SPSB4: variants seen among roughly 807,000 people sequenced by gnomAD.
SPSB4 encodes splA/ryanodine receptor domain and SOCS box containing 4.
A neutral mutation model predicts 20.9 loss-of-function variants in SPSB4; 21 were observed. The observed-to-expected ratio is 1.01, with a 90% CI of 0.71 to 1.45. The LOEUF (loss-of-function observed/expected upper bound fraction) is 1.45. Ranked by LOEUF, SPSB4 falls within the 40% of genes most tolerant of loss-of-function variation. The probability of loss-of-function intolerance (pLI) is 0.00; values close to 1 mark genes in which losing one functional copy is unlikely to be tolerated. For synonymous variants in SPSB4, 207 were observed against 183.8 expected, an observed-to-expected ratio of 1.13 and a Z score of -1.02; for missense variants, 399 against 399.2, an observed-to-expected ratio of 1.00 and a Z score of 0.00.
At chr3:141,138,682 G>A (rs1026582312) in intron 2 of SPSB4, among the ~76,000 whole-genome samples, 2 of 152,184 alleles carry the variant, frequency 1.3e-5, no homozygotes, top group African/African-American at 2.4e-5. Flanking sequence ...TAGTTTGATT[G>A]CACTGTGGTC....
intron 1 of SPSB4, among the ~76,000 whole-genome samples, chr3:141,053,446 T>A (rs1432466565): frequency 6.6e-6 from 1 of 152,088 alleles, no homozygotes; most frequent in Non-Finnish European, 1.5e-5. Context: ...AGTTTGTATT[T>A]CTCGTTTATT....
At chr3:141,082,535 A>G (rs1289618615) in intron 2 of SPSB4, among the ~76,000 whole-genome samples, 1 of 152,192 alleles carries the variant, frequency 6.6e-6, no homozygotes, top group Non-Finnish European at 1.5e-5. Context: ...CTGTCACAGA[A>G]CTGCTGTGCT....
chr3:141,089,369 C>A (rs11919859), intron 2 of SPSB4, among the ~76,000 whole-genome samples: 17,668 of 152,214 alleles, frequency 0.12, 1,186 homozygotes, highest in African/African-American at 0.16. Flanking sequence ...CAGGTGCCCA[C>A]AGACCTCAGA....
At chr3:141,119,517 C>A (rs1938930725) in intron 2 of SPSB4, among the ~76,000 whole-genome samples, 1 of 152,208 alleles carries the variant, frequency 6.6e-6, no homozygotes, top group African/African-American at 2.4e-5. Flanking sequence ...GCCAGAACTT[C>A]CAACAATATG....
chr3:141,112,665 A>AAAAAAAAAAC (rs1938820414), intron 2 of SPSB4, among the ~76,000 whole-genome samples: 1 of 150,050 alleles, frequency 6.7e-6, no homozygotes. Context: ...AAAAAAAAAA[A>AAAAAAAAAAC]AAAAGACAGA....
At position 141,115,619 on chromosome 3, in the gene SPSB4, A is replaced by G. The variant is rs1938869366; in HGVS notation, c.695-31523A>G. On this transcript the variant is annotated intron_variant, in intron 2 of 2. Transcript: ENST00000310546. ...GATAGTTTTCATTAATGCACTGATC[A>G]TTAGCTTTTTAAAAATTTATCTAAA... Among the ~76,000 whole-genome samples, 3 of 152,248 alleles carry G rather than the reference A, an allele frequency of 2.0e-5. No homozygotes were observed. In the South Asian group the frequency reaches 6.2e-4, roughly 32 times the overall value.
At chr3:141,069,867 A>G (rs1937963041) in intron 2 of SPSB4, among the ~76,000 whole-genome samples, 1 of 152,218 alleles carries the variant, frequency 6.6e-6, no homozygotes, top group Admixed American at 6.5e-5. Flanking sequence ...TAACATGATG[A>G]AAGTAAGGTA....
chr3:141,139,451 C>T (rs1274658180), intron 2 of SPSB4, among the ~76,000 whole-genome samples: 2 of 152,202 alleles, frequency 1.3e-5, no homozygotes. Context: ...TACAACTTGG[C>T]ATGTTTTTGC....
chr3:141,137,867 T>G (rs1187421119), intron 2 of SPSB4, among the ~76,000 whole-genome samples: 1 of 152,144 alleles, frequency 6.6e-6, no homozygotes, highest in Admixed American at 6.5e-5. Context: ...TTAGGGAGGA[T>G]TCCCTCTTTT....
chr3:141,117,431 A>G (rs1240477202), intron 2 of SPSB4, among the ~76,000 whole-genome samples: 2 of 152,214 alleles, frequency 1.3e-5, no homozygotes, highest in African/African-American at 2.4e-5. Flanking sequence ...TTTATAATTC[A>G]TCTTCTGGCC....
chr3:141,139,608 T>C (rs1043411499), intron 2 of SPSB4, among the ~76,000 whole-genome samples: 1 of 152,224 alleles, frequency 6.6e-6, no homozygotes, highest in African/African-American at 2.4e-5. Flanking sequence ...TTAGTTTGGC[T>C]GGATATGAAA....
At chr3:141,122,744 C>A (rs1228349039) in intron 2 of SPSB4, among the ~76,000 whole-genome samples, 1 of 152,234 alleles carries the variant, frequency 6.6e-6, no homozygotes, top group African/African-American at 2.4e-5. Flanking sequence ...TGGGACCCGC[C>A]AAGCCAGGCA....
intron 2 of SPSB4, among the ~76,000 whole-genome samples, chr3:141,075,785 G>A (rs1461033479): frequency 6.6e-6 from 1 of 151,302 alleles, no homozygotes; most frequent in Non-Finnish European, 1.5e-5. Context: ...TGTGGCTCAC[G>A]CTTGTAATCC....
chr3:141,081,783 G>C (rs999926811), intron 2 of SPSB4, among the ~76,000 whole-genome samples: 1 of 152,186 alleles, frequency 6.6e-6, no homozygotes, highest in Admixed American at 6.5e-5. Flanking sequence ...ATAAGAAAGA[G>C]GGCTGTTATG....
At chr3:141,074,087 T>A (rs1424419781) in intron 2 of SPSB4, among the ~76,000 whole-genome samples, 2 of 152,348 alleles carry the variant, frequency 1.3e-5, no homozygotes, top group East Asian at 3.9e-4. Flanking sequence ...GAAATCAGGC[T>A]TAATCAGGAC....
chr3:141,095,877 G>T (rs1938539919), intron 2 of SPSB4, among the ~76,000 whole-genome samples: 1 of 152,104 alleles, frequency 6.6e-6, no homozygotes, highest in Non-Finnish European at 1.5e-5. Context: ...CTGGATTGGG[G>T]CCCAAGGCCT....
intron 2 of SPSB4, among the ~76,000 whole-genome samples, chr3:141,070,654 C>T (rs916871372): frequency 2.0e-5 from 3 of 152,212 alleles, no homozygotes; most frequent in African/African-American, 4.8e-5. Flanking sequence ...ACTGGGATTA[C>T]AGGCGTGAGA....
intron 2 of SPSB4, among the ~76,000 whole-genome samples, chr3:141,135,371 G>C: frequency 7.7e-6 from 1 of 130,506 alleles, no homozygotes; most frequent in Admixed American, 8.8e-5. Context: ...TATACCTTAA[G>C]TTTTAGTATA....
chr3:141,127,892 T>C (rs1939073858), intron 2 of SPSB4, among the ~76,000 whole-genome samples: 2 of 152,196 alleles, frequency 1.3e-5, no homozygotes, highest in African/African-American at 4.8e-5. Flanking sequence ...CGAACCGAAT[T>C]CCAGAAGCTC....
Sources: allele counts gnomAD v4.1 joint callset (sites outside exome capture counted in the v4.1 genomes callset), GRCh38; gene constraint gnomAD v4.1.1; transcripts MANE v1.5; gene names NCBI Gene and HGNC (gene_info 2026-07-23, HGNC 2026-07-21).